Variants in DLGAP2 observed in about 807,000 individuals in gnomAD.
The protein encoded by DLGAP2 is disks large-associated protein 2.
In DLGAP2, 26 loss-of-function variants were observed where a neutral mutation model predicts 100.3. That is an observed-to-expected ratio of 0.26 (90% CI 0.19 to 0.36). DLGAP2 has a LOEUF of 0.36. Ranked by LOEUF, DLGAP2 falls within the 10% of genes least tolerant of loss-of-function variation. DLGAP2 has a pLI of 1.00. For missense variants in DLGAP2, 1,858 were observed against 1,453.2 expected (o/e 1.28, Z -4.53); for synonymous variants, 886 against 630.1 (o/e 1.41, Z -6.08).
intron 8 of DLGAP2, among the ~76,000 whole-genome samples, chr8:1,661,337 A>G (rs911985205): frequency 6.6e-6 from 1 of 152,204 alleles, no homozygotes; most frequent in African/African-American, 2.4e-5. Flanking sequence ...CATGGCCAGT[A>G]GGAGCACTGA....
At chr8:1,587,806 C>G (rs147368099) in intron 6 of DLGAP2, among the ~76,000 whole-genome samples, 1 of 151,954 alleles carries the variant, frequency 6.6e-6, no homozygotes, top group Non-Finnish European at 1.5e-5. Flanking sequence ...GTAGGGAGTT[C>G]GGTTGAGAGA....
chr8:1,095,003 T>G (rs531746368), intron 2 of DLGAP2, among the ~76,000 whole-genome samples: 1 of 152,248 alleles, frequency 6.6e-6, no homozygotes, highest in South Asian at 2.1e-4. Flanking sequence ...CTGCTCCAGG[T>G]GGACCACCTT....
chr8:1,627,678 G>A (rs1351254861), intron 7 of DLGAP2, among the ~76,000 whole-genome samples: 1 of 152,192 alleles, frequency 6.6e-6, no homozygotes, highest in African/African-American at 2.4e-5. Flanking sequence ...GTGGAGTAGG[G>A]ATTAAGAGCC....
intron 2 of DLGAP2, among the ~76,000 whole-genome samples, chr8:1,055,820 C>T (rs755109449): frequency 5.9e-5 from 9 of 152,238 alleles, no homozygotes; most frequent in Non-Finnish European, 1.3e-4. Flanking sequence ...GAGTCAGGCT[C>T]ATTTGGGCTT....
chr8:1,096,637 C>A (rs1804379541), intron 2 of DLGAP2, among the ~76,000 whole-genome samples: 2 of 151,118 alleles, frequency 1.3e-5, no homozygotes, highest in South Asian at 4.2e-4. Flanking sequence ...GACCCACCTC[C>A]CTGCGCTCAG....
intron 2 of DLGAP2, among the ~76,000 whole-genome samples, chr8:1,252,863 T>C (rs1799079699): frequency 6.6e-6 from 1 of 152,184 alleles, no homozygotes; most frequent in African/African-American, 2.4e-5. Flanking sequence ...AGGAAAGACG[T>C]TGGTGTTTTT....
chr8:792,923 T>A (rs1341747148), intron 1 of DLGAP2, among the ~76,000 whole-genome samples: 4 of 152,240 alleles, frequency 2.6e-5, no homozygotes, highest in Admixed American at 2.6e-4. Flanking sequence ...GCATTTCTAT[T>A]GTGCTTTTCT....
At chr8:1,657,211 T>G (rs754836954) in intron 8 of DLGAP2, among the ~76,000 whole-genome samples, 1 of 152,242 alleles carries the variant, frequency 6.6e-6, no homozygotes, top group African/African-American at 2.4e-5. Flanking sequence ...CCCATGTGGT[T>G]GTTTAGTAAT....
At chr8:1,336,792 T>C (rs1801285211) in intron 3 of DLGAP2, among the ~76,000 whole-genome samples, 3 of 152,292 alleles carry the variant, frequency 2.0e-5, no homozygotes, top group South Asian at 2.1e-4. Flanking sequence ...AATAAACTAC[T>C]TAAGAGCTGT....
At chr8:1,553,453 C>T (rs932640978) in intron 5 of DLGAP2, among the ~76,000 whole-genome samples, 13 of 152,126 alleles carry the variant, frequency 8.5e-5, no homozygotes, top group East Asian at 5.8e-4. Flanking sequence ...TTTTATTCGG[C>T]GTGTTCACGG....
intron 3 of DLGAP2, among the ~76,000 whole-genome samples, chr8:1,350,350 GTGTGTGGAAAGGCCGCGTGGGTCCTGAC>G: frequency 1.1e-5 from 1 of 88,732 alleles, no homozygotes; most frequent in South Asian, 6.0e-4. Context: ...GGTCCTGACA[GTGTGTGGAAAGGCCGCGTGGGTCCTGAC>G]TGTGCGTGGA....
At chr8:829,573 C>G (rs1028104746) in intron 1 of DLGAP2, among the ~76,000 whole-genome samples, 2 of 152,258 alleles carry the variant, frequency 1.3e-5, no homozygotes, top group East Asian at 3.9e-4. Context: ...TTATTCAGAG[C>G]TTTGCTTCTA....
chr8:759,559 C>A (rs1454442097), intron 1 of DLGAP2, among the ~76,000 whole-genome samples: 1 of 151,080 alleles, frequency 6.6e-6, no homozygotes, highest in Admixed American at 6.6e-5. Context: ...GGTGTGTGTC[C>A]AGCACTCCAG....
At position 1,549,676 on chromosome 8, in the gene DLGAP2, A is replaced by G. The variant is rs1389713526; in HGVS notation, c.1223A>G (p.Tyr408Cys). ...DAKPALRPCH[Y>C]LQVPQDEWGG... ...AAGCCCGCCCTGAGGCCGTGCCACT[A>G]CCTCCAGGTAAGCAGGCTCACGGCC... Residue 408 changes from tyrosine (Y) to cysteine (C), a missense_variant, in exon 5 of 15, where the codon TAC (tyrosine) becomes TGC (cysteine). Transcript: ENST00000637795. 6.5e-7 allele frequency: 1 copy of G among 1,545,836 alleles called. No homozygotes were observed. Among genetic ancestry groups the G allele is most frequent in the African/African-American group, 1.4e-5 (1 of 73,318 alleles).
At chr8:1,649,560 G>A (rs1412596662) in intron 8 of DLGAP2, among the ~76,000 whole-genome samples, 1 of 152,166 alleles carries the variant, frequency 6.6e-6, no homozygotes, top group African/African-American at 2.4e-5. Flanking sequence ...TTGGTCTATG[G>A]TTTTAGGTAC....
intron 3 of DLGAP2, among the ~76,000 whole-genome samples, chr8:1,349,675 T>A (rs1181643912): frequency 1.7e-5 from 2 of 114,800 alleles, no homozygotes; most frequent in African/African-American, 3.0e-5. Flanking sequence ...TGAGGGAGAC[T>A]ATCATGAGCC....
intron 3 of DLGAP2, among the ~76,000 whole-genome samples, chr8:1,435,023 G>T (rs1212338296): frequency 1.3e-5 from 2 of 152,120 alleles, no homozygotes; most frequent in African/African-American, 4.8e-5. Flanking sequence ...CCTAAAACTT[G>T]AGCTTTGCCA....
chr8:957,711 A>G (rs1300070098), intron 2 of DLGAP2, among the ~76,000 whole-genome samples: 2 of 152,226 alleles, frequency 1.3e-5, no homozygotes, highest in South Asian at 4.1e-4. Context: ...AGTTTTATTA[A>G]TCTTTCAAAA....
At chr8:909,730 G>T (rs909078953) in intron 2 of DLGAP2, among the ~76,000 whole-genome samples, 1 of 152,192 alleles carries the variant, frequency 6.6e-6, no homozygotes, top group African/African-American at 2.4e-5. Flanking sequence ...AAGGGAAGGA[G>T]TGGCTCCAGA....
Sources: allele counts gnomAD v4.1 joint callset (sites outside exome capture counted in the v4.1 genomes callset), GRCh38; gene constraint gnomAD v4.1.1; transcripts MANE v1.5; gene names NCBI Gene and HGNC (gene_info 2026-07-23, HGNC 2026-07-21).